SLC1A4: variants seen among roughly 807,000 people sequenced by gnomAD.
SLC1A4 encodes the protein neutral amino acid transporter A.
A neutral mutation model predicts 37.7 loss-of-function variants in SLC1A4; 19 were observed. The observed-to-expected ratio is 0.50, with a 90% CI of 0.35 to 0.74. The LOEUF (loss-of-function observed/expected upper bound fraction) is 0.74, where lower values mean the gene tolerates loss of function less well. SLC1A4 is among the 30% of genes least tolerant of loss of function. The pLI, the probability that SLC1A4 is intolerant of heterozygous loss-of-function variation, is 0.01. For synonymous variants in SLC1A4, 299 were observed against 309.8 expected (o/e 0.97, Z 0.37); for missense variants, 570 against 712.9 (o/e 0.80, Z 2.28).
intron 1 of SLC1A4, among the ~76,000 whole-genome samples, chr2:64,998,972 T>C (rs560630671): frequency 6.6e-6 from 1 of 152,286 alleles, no homozygotes; most frequent in South Asian, 2.1e-4. Context: ...CAACTGAGGA[T>C]TGTTGTGTGG....
intron 3 of SLC1A4, among the ~76,000 whole-genome samples, chr2:65,005,606 A>G (rs1397620715): frequency 1.3e-5 from 2 of 152,212 alleles, no homozygotes; most frequent in Non-Finnish European, 2.9e-5. Context: ...GCCTTAGGAC[A>G]ACCTGATCAG....
intron 1 of SLC1A4, 87 bp downstream of exon 1, chr2:64,990,257 T>C: frequency 8.3e-7 from 1 of 1,206,904 alleles, no homozygotes; most frequent in South Asian, 1.7e-5. Flanking sequence ...GCTTATACAC[T>C]CCTAAGAGTT....
At chr2:65,000,141 GCTCTTCTAGACTTA>G (rs1673405493) in intron 1 of SLC1A4, 1 of 152,130 alleles carries the variant, frequency 6.6e-6, no homozygotes, top group Non-Finnish European at 1.5e-5. Context: ...AGAGTCTTTT[GCTCTTCTAGACTTA>G]CTCTTCTTGC....
rs1456273441 is a variant in SLC1A4 at position 65,022,812 on chromosome 2, G to A, written c.*1666G>A. The A allele has an allele frequency of 6.6e-6, 1 of 152,240 alleles. No homozygotes were observed. The highest frequency in any genetic ancestry group is 2.4e-5 in the African/African-American group (1 of 41,412). 9.4% of individuals were successfully genotyped at this position (152,240 alleles called of 1,614,324 possible). ...CCACTGTTTCTGCCACCCTGTAACA[G>A]GCCATTAAAGCTCCCCAGTGTTCAG... On this transcript the variant is annotated 3_prime_UTR_variant, in exon 8 of 8. Coordinates refer to ENST00000234256, the MANE Select transcript of SLC1A4 (RefSeq NM_003038.5).
chr2:65,018,729 T>C lies in SLC1A4; in HGVS notation c.1364+50T>C. On this transcript the variant is annotated intron_variant, in intron 7 of 7. Transcript: ENST00000234256. The surrounding 1 kb of genome is among the most constrained non-coding windows in gnomAD (Gnocchi z 4.3). ...CAAAAAGAGTCTGCACTGAGTTCCC[T>C]AGGAGCTTAGCACTGCTGGGCCTGG... 1.2e-6 allele frequency: 2 copies of C among 1,605,314 alleles called. No homozygotes were observed. Among genetic ancestry groups the C allele is most frequent in the Non-Finnish European group, 1.7e-6 (2 of 1,175,320 alleles).
chr2:64,995,270 C>T (rs1673208318), intron 1 of SLC1A4, among the ~76,000 whole-genome samples: 2 of 152,142 alleles, frequency 1.3e-5, no homozygotes, highest in South Asian at 4.1e-4. Context: ...AGTCGTTTGT[C>T]CTCTCTGTGC....
chr2:64,991,790 A>C (rs990014986), intron 1 of SLC1A4, among the ~76,000 whole-genome samples: 1 of 151,910 alleles, frequency 6.6e-6, no homozygotes. Context: ...TTTAGTAGAG[A>C]CGGGGTTTCA....
intron 4 of SLC1A4, among the ~76,000 whole-genome samples, chr2:65,014,539 C>A (rs1200250389): frequency 6.6e-6 from 1 of 152,160 alleles, no homozygotes; most frequent in African/African-American, 2.4e-5. Flanking sequence ...CTGCATGATG[C>A]CACTAGCACC....
chr2:65,002,570 CTTTTTT>C lies in SLC1A4; in HGVS notation c.570+1100_570+1105del, dbSNP rs70937394. ...TGCAAGTAACAGTCCTGTGACCATT[CTTTTTT>C]TTTTTTTTTTTTTTTTTTTGAGACA... On this transcript the variant is annotated intron_variant, in intron 2 of 7. Transcript: ENST00000234256. Among the ~76,000 whole-genome samples the C allele has an allele frequency of 1.4e-4, 8 of 59,046 alleles. 1 individual carries two copies. The highest frequency in any genetic ancestry group is 5.3e-4 in the Admixed American group (2 of 3,744). 38.7% of individuals were successfully genotyped at this position (59,046 alleles called of 152,430 possible).
chr2:65,018,475 A>G lies in SLC1A4; in HGVS notation c.1230-70A>G. The G allele has an allele frequency of 2.5e-6, 4 of 1,583,424 alleles. No individual in the cohort carries two copies. Among genetic ancestry groups the G allele is most frequent in the Non-Finnish European group, 3.4e-6 (4 of 1,162,688 alleles). ...TAGTTTCCAGCCACATTGCAGCTGC[A>G]TGGTCTGCATTTCTCTGTGTCCACT... On this transcript the variant is annotated intron_variant, in intron 6 of 7. Coordinates refer to ENST00000234256, the MANE Select transcript of SLC1A4 (RefSeq NM_003038.5). This position sits in a 1 kb window ranked among gnomAD's most constrained non-coding sequence, Gnocchi z 4.3.
chr2:65,003,957 CAA>C lies in SLC1A4; in HGVS notation c.576_577del (p.Thr193ArgfsTer3). On this transcript the variant is annotated frameshift_variant, in exon 3 of 8. Coordinates refer to ENST00000234256, the MANE Select transcript of SLC1A4 (RefSeq NM_003038.5). LOFTEE classifies it high-confidence loss of function. ...TTTTTTTCCTCTTGATCACAGTATG[CAA>C]CCGATTATAAAGTCGTGACCCAGAA... The C allele has an allele frequency of 6.2e-7, 1 of 1,613,832 alleles. No individual in the cohort carries two copies. The highest frequency in any genetic ancestry group is 8.5e-7 in the Non-Finnish European group (1 of 1,179,748).
Position 65,009,334 on chromosome 2 carries a change from T to C in SLC1A4, c.634-1263T>C, listed in dbSNP as rs141774951. ...GTTGTGGTGAGCTGAGATCACCCCA[T>C]TGCACTCCAGCCTGGGGAACAAGAG... On this transcript the variant is annotated intron_variant, in intron 3 of 7. Transcript: ENST00000234256. 4.3e-3 allele frequency among the ~76,000 whole-genome samples: 647 copies of C among 149,858 alleles called. 6 individuals are homozygous for C. The highest frequency in any genetic ancestry group is 0.015 in the African/African-American group (622 of 40,542).
rs148307671 is a variant in SLC1A4 at position 65,009,331 on chromosome 2, C to T, written c.634-1266C>T. Reference sequence around the variant, plus strand: ...GAGGTTGTGGTGAGCTGAGATCACCCCATTGCACTCCAGCCTGGGGAACAA... The same window carrying T: ...GAGGTTGTGGTGAGCTGAGATCACCTCATTGCACTCCAGCCTGGGGAACAA... On this transcript the variant is annotated intron_variant, in intron 3 of 7. Coordinates refer to ENST00000234256, the MANE Select transcript of SLC1A4 (RefSeq NM_003038.5). Among the ~76,000 whole-genome samples the T allele has an allele frequency of 9.1e-3, 1,379 of 151,666 alleles. 20 individuals carry two copies. Among genetic ancestry groups the T allele is most frequent in the African/African-American group, 0.031 (1,285 of 41,276 alleles).
chr2:65,016,363 T>G, intron 4 of SLC1A4, 77 bp from the exon 5 acceptor site: 2 of 1,157,542 alleles, frequency 1.7e-6, no homozygotes, highest in Non-Finnish European at 2.6e-6. Context: ...AGTCCCTGCA[T>G]TCTGCCTCAG....
intron 2 of SLC1A4, among the ~76,000 whole-genome samples, chr2:65,002,541 A>G (rs1673508974): frequency 6.9e-6 from 1 of 144,420 alleles, no homozygotes; most frequent in African/African-American, 2.6e-5. Context: ...TTTTTTGGCA[A>G]TGCTGCAAGT....
chr2:64,989,504 C>T lies in SLC1A4; in HGVS notation c.-140C>T, dbSNP rs1672955676. ...CTCGCCTTTCTCGCACCTGCTCCTG[C>T]GCCAGGCCCGGAGACCCCCGGGGCG... On this transcript the variant is annotated 5_prime_UTR_variant, in exon 1 of 8. Coordinates refer to ENST00000234256, the MANE Select transcript of SLC1A4 (RefSeq NM_003038.5). 12 of 688,098 alleles carry T rather than the reference C, an allele frequency of 1.7e-5. No individual in the cohort carries two copies. The South Asian group carries it at 2.7e-4, about 16-fold the overall frequency. The allele number at this position is 688,098 out of a possible 1,614,324, so 42.6% of individuals were successfully genotyped here. A position where few individuals can be genotyped will look rare whatever the true frequency, so the allele number is the denominator to read the frequency against.
At chr2:64,989,081 C>G (rs1318684759), upstream of SLC1A4, among the ~76,000 whole-genome samples, 1 of 152,126 alleles carries the variant, frequency 6.6e-6, no homozygotes, top group Non-Finnish European at 1.5e-5. Flanking sequence ...GGTCCTTCAG[C>G]CCGCACTTCC....
At chr2:65,002,567 A>ATTTTTTTTTTTTTTTT (rs1324825931) in intron 2 of SLC1A4, among the ~76,000 whole-genome samples, 20 of 115,508 alleles carry the variant, frequency 1.7e-4, no homozygotes, top group South Asian at 5.7e-4. Flanking sequence ...TCCTGTGACC[A>ATTTTTTTTTTTTTTTT]TTCTTTTTTT....
chr2:64,993,118 G>A (rs1026467832), intron 1 of SLC1A4, among the ~76,000 whole-genome samples: 5 of 152,168 alleles, frequency 3.3e-5, no homozygotes, highest in African/African-American at 9.7e-5. Context: ...GCCAGTAAAC[G>A]CCTCAGTTAT....
Sources: gnomAD v4.1 joint callset for allele counts (sites outside exome capture counted in the v4.1 genomes callset) on GRCh38, gnomAD v4.1.1 for gene constraint, Gnocchi (gnomAD v3.1) non-coding constraint, MANE v1.5 for transcripts, NCBI Gene and HGNC (gene_info 2026-07-23, HGNC 2026-07-21) for gene names.